The following CTBP2 variants were observed in gnomAD, a reference collection of about 807,000 sequenced individuals.
CTBP2 encodes C-terminal binding protein 2.
Under a neutral mutation model 80.3 loss-of-function variants are expected in CTBP2, and 30 were observed. The ratio of observed to expected loss-of-function variants is 0.37; its 90% CI spans 0.28 to 0.51. The LOEUF (loss-of-function observed/expected upper bound fraction) is 0.51, where lower values mean the gene tolerates loss of function less well. Ranked by LOEUF, CTBP2 falls within the 20% of genes least tolerant of loss-of-function variation. The pLI is 0.93. For missense variants in CTBP2, 1,212 were observed against 1,375.3 expected (o/e 0.88, Z 1.88); for synonymous variants, 594 against 587.4 (o/e 1.01, Z -0.16).
Position 125,026,510 on chromosome 10 carries a change from G to A in CTBP2, c.1250C>T (p.Thr417Met), listed in dbSNP as rs749096358. The change falls in exon 1 of 9, where the codon ACG (threonine) becomes ATG (methionine). Residue 417 changes from threonine (T) to methionine (M), a missense_variant. Physicochemically the swap from Thr to Met is moderately conservative, Grantham distance 81. Coordinates refer to ENST00000309035, the MANE Select transcript of CTBP2 (RefSeq NM_022802.3). ...GCCAGGGGCAGAATAGGTGGCTGCC[G>A]TCTCCAGGAGGTGCTGAGATGGTGC... 37 of 1,597,066 alleles carry A rather than the reference G, an allele frequency of 2.3e-5. No individual in the cohort carries two copies. Among genetic ancestry groups the A allele is most frequent in the East Asian group, 4.5e-5 (2 of 44,242 alleles).
At chr10:125,052,149 G>C (rs1465227239) in intron 2 of CTBP2, among the ~76,000 whole-genome samples, 2 of 152,244 alleles carry the variant, frequency 1.3e-5, no homozygotes, top group Admixed American at 6.5e-5. Context: ...AGACCTGCAA[G>C]CTCAGGACCC....
intron 2 of CTBP2, among the ~76,000 whole-genome samples, chr10:125,070,725 G>T (rs1427435717): frequency 6.6e-6 from 1 of 152,066 alleles, no homozygotes; most frequent in Non-Finnish European, 1.5e-5. Flanking sequence ...GAGTGCAGTG[G>T]TGTGATCTCA....
At chr10:125,028,562 G>A (rs1193737446), upstream of CTBP2, among the ~76,000 whole-genome samples, 1 of 152,228 alleles carries the variant, frequency 6.6e-6, no homozygotes, top group Non-Finnish European at 1.5e-5. Context: ...GAATCAAACA[G>A]GTTTCCGAGC....
chr10:125,082,802 T>C (rs533429519), intron 2 of CTBP2, among the ~76,000 whole-genome samples: 5 of 152,242 alleles, frequency 3.3e-5, no homozygotes, highest in African/African-American at 1.2e-4. Flanking sequence ...TTGGCCAGGG[T>C]GGTCTCGAAT....
chr10:125,002,823 G>A, intron 3 of CTBP2, 137 bp downstream of exon 5: 1 of 1,058,790 alleles, frequency 9.4e-7, no homozygotes, highest in Non-Finnish European at 1.4e-6. Flanking sequence ...CCACAGCCCG[G>A]CCTGGAGGCA....
upstream of CTBP2, among the ~76,000 whole-genome samples, chr10:125,028,631 C>CG (rs1957892142): frequency 3.3e-5 from 5 of 152,320 alleles, no homozygotes; most frequent in South Asian, 4.1e-4. Flanking sequence ...CTCATGCTGC[C>CG]GGGGGGCCGG....
intron 2 of CTBP2, 50 bp from the exon 5 acceptor site, chr10:125,003,154 C>A (rs376730588): frequency 1.2e-6 from 2 of 1,610,002 alleles, no homozygotes; most frequent in Non-Finnish European, 8.5e-7. Flanking sequence ...TGCAGCCCAC[C>A]GGCACCACTT....
chr10:125,080,571 T>C (rs1427309674), intron 2 of CTBP2, among the ~76,000 whole-genome samples: 1 of 152,180 alleles, frequency 6.6e-6, no homozygotes, highest in East Asian at 1.9e-4. Context: ...GGATCTTTTC[T>C]AAAAGGAGCT....
At position 124,984,871 on chromosome 10, in the gene CTBP2, G is replaced by T. The variant is rs1437456997; in HGVS notation, c.*4647C>A. The stretch of plus-strand genomic sequence containing the variant: ...CTGGTTGCCATGCAGAAGAGTTCTC[G>T]GCGGCGAAATCACCCCCTGGTCACT... On this transcript the variant is annotated 3_prime_UTR_variant, in exon 9 of 9. Coordinates refer to ENST00000309035, the MANE Select transcript of CTBP2 (RefSeq NM_022802.3). The T allele has an allele frequency of 6.8e-6, 11 of 1,613,984 alleles. No homozygotes were observed. Among genetic ancestry groups the T allele is most frequent in the Non-Finnish European group, 8.5e-6 (10 of 1,180,000 alleles).
rs1423215506 is a variant in CTBP2, at chr10:125,001,699, C to T, written c.1978+1261G>A. 3.3e-5 allele frequency among the ~76,000 whole-genome samples: 5 copies of T among 152,182 alleles called. No homozygotes were observed. The East Asian group carries it at 5.8e-4, about 18-fold the overall frequency. ...CCCGTGGGGCAGCCCCACCCCACTG[C>T]GTCCTGACCCCTGTGAGTGTACGGG... On this transcript the variant is annotated intron_variant, in intron 3 of 8. Transcript: ENST00000309035.
intron 1 of CTBP2, among the ~76,000 whole-genome samples, chr10:125,006,209 C>T (rs1332394577): frequency 4.6e-5 from 7 of 151,696 alleles, no homozygotes; most frequent in Non-Finnish European, 7.4e-5. Flanking sequence ...GTCTGAGGCT[C>T]GAATCCTGGC....
intron 1 of CTBP2, among the ~76,000 whole-genome samples, chr10:125,016,895 A>G (rs1292439584): frequency 3.3e-5 from 5 of 152,234 alleles, no homozygotes; most frequent in South Asian, 2.1e-4. Context: ...AAAGCATCTA[A>G]TAGGCAAATC....
At chr10:125,105,632 T>C (rs1284271779) in intron 2 of CTBP2, among the ~76,000 whole-genome samples, 1 of 152,178 alleles carries the variant, frequency 6.6e-6, no homozygotes, top group East Asian at 1.9e-4. Context: ...ATGCTGTGTG[T>C]CCTTCCATAA....
chr10:125,156,935 A>G (rs781327506), intron 1 of CTBP2, among the ~76,000 whole-genome samples: 1 of 152,250 alleles, frequency 6.6e-6, no homozygotes, highest in Non-Finnish European at 1.5e-5. Flanking sequence ...CATCTTGTGT[A>G]CACGACCAGA....
chr10:124,990,814 C>G (rs1177432263), intron 8 of CTBP2, among the ~76,000 whole-genome samples: 2 of 152,250 alleles, frequency 1.3e-5, no homozygotes, highest in Non-Finnish European at 2.9e-5. Context: ...CTGGCCCTCT[C>G]TCTGCCATAT....
intron 1 of CTBP2, among the ~76,000 whole-genome samples, chr10:125,137,240 G>C (rs969601138): frequency 5.9e-5 from 9 of 152,232 alleles, no homozygotes; most frequent in African/African-American, 1.9e-4. Context: ...CAGTTTGCTA[G>C]GACGTGGGCC....
rs61400691 is a variant in CTBP2, at chr10:124,992,209, CTTTTTTTT to C, written c.2777+478_2777+485del. Among the ~76,000 whole-genome samples the C allele has an allele frequency of 3.1e-3, 313 of 102,520 alleles. 1 individual carries two copies. The highest frequency in any genetic ancestry group is 0.012 in the Admixed American group (88 of 7,472). 67.3% of individuals were successfully genotyped at this position (102,520 alleles called of 152,430 possible). A position where few individuals can be genotyped will look rare whatever the true frequency, so the allele number is the denominator to read the frequency against. On this transcript the variant is annotated intron_variant, in intron 8 of 8. Coordinates refer to ENST00000309035, the MANE Select transcript of CTBP2 (RefSeq NM_022802.3). ...CGTATACCTTTCTCTTTGAGAAGCC[CTTTTTTTT>C]TTTTTTTTTTTGGTGGTGGGGTGGG...
rs564191557 is a variant in CTBP2 at position 125,026,971 on chromosome 10, G to A, written c.789C>T (p.Ser263=). 8.7e-6 allele frequency: 14 copies of A among 1,614,090 alleles called. No homozygotes were observed. The highest frequency in any genetic ancestry group is 1.6e-4 in the Middle Eastern group (1 of 6,062). Residue 263 remains serine (S), a synonymous_variant, in exon 1 of 9, where the codon AGC becomes AGT. Coordinates refer to ENST00000309035, the MANE Select transcript of CTBP2 (RefSeq NM_022802.3). ...TCTCGTAAGCCATCTTGGATGGGATGCTTTCCCGGGCAGGCCCGTAGCCAC... is the reference window on the plus strand; with the variant it reads ...TCTCGTAAGCCATCTTGGATGGGATACTTTCCCGGGCAGGCCCGTAGCCAC...
chr10:125,073,466 C>G (rs1845822910), intron 2 of CTBP2, among the ~76,000 whole-genome samples: 1 of 152,230 alleles, frequency 6.6e-6, no homozygotes, highest in Non-Finnish European at 1.5e-5. Flanking sequence ...CTGGTCAACT[C>G]TTGACCTCAA....
Sources: allele counts gnomAD v4.1 joint callset (sites outside exome capture counted in the v4.1 genomes callset), GRCh38; gene constraint gnomAD v4.1.1; transcripts MANE v1.5; gene names NCBI Gene and HGNC (gene_info 2026-07-23, HGNC 2026-07-21).